ZNF367: variants seen among roughly 807,000 people sequenced by gnomAD.
ZNF367 encodes the protein C2H2 zinc finger protein ZFF29.
In ZNF367, 11 loss-of-function variants were observed where a neutral mutation model predicts 31.8. That is an observed-to-expected ratio of 0.35 (90% CI 0.22 to 0.57). The LOEUF is 0.57. Ranked by LOEUF, ZNF367 falls within the 20% of genes least tolerant of loss-of-function variation. The pLI is 0.85. For missense variants in ZNF367, 353 were observed against 484.1 expected (o/e 0.73, Z 2.54); for synonymous variants, 199 against 202.4 (o/e 0.98, Z 0.14).
chr9:96,388,847 C>T (rs984646255), intron 4 of ZNF367, among the ~76,000 whole-genome samples: 2 of 152,220 alleles, frequency 1.3e-5, no homozygotes, highest in Non-Finnish European at 2.9e-5. Context: ...ACAGCGTTAA[C>T]GCTGTAAATA....
rs1831860974 is a variant in ZNF367 at position 96,418,092 on chromosome 9, C to A, written c.-60G>T. 6 of 1,314,908 alleles carry A rather than the reference C, an allele frequency of 4.6e-6. No homozygotes were observed. The Middle Eastern group carries it at 8.6e-4, about 188-fold the overall frequency. 81.5% of individuals were successfully genotyped at this position (1,314,908 alleles called of 1,614,324 possible). A position where few individuals can be genotyped will look rare whatever the true frequency, so the allele number is the denominator to read the frequency against. ...GCCGCACTCCTGAGCACCGCTCTGC[C>A]CCTCACTCGCTCTGCTCCGAGTCGC... On this transcript the variant is annotated 5_prime_UTR_variant, in exon 1 of 5. Coordinates refer to ENST00000375256, the MANE Select transcript of ZNF367 (RefSeq NM_153695.4).
chr9:96,404,188 C>T (rs919196495), intron 1 of ZNF367, among the ~76,000 whole-genome samples: 1 of 151,806 alleles, frequency 6.6e-6, no homozygotes, highest in Non-Finnish European at 1.5e-5. Flanking sequence ...AGGCCGGGCG[C>T]GGTGGCTCAC....
Position 96,417,865 on chromosome 9 carries a change from G to A in ZNF367, c.168C>T (p.Leu56=). 6.6e-7 allele frequency: 1 copy of A among 1,517,162 alleles called. No individual in the cohort carries two copies. 94.0% of individuals were successfully genotyped at this position (1,517,162 alleles called of 1,614,324 possible). ...GGGEPEPPPP[L]IPTSPGFSDF... Reference sequence around the variant, plus strand: ...CGCTGAAGCCGGGGCTGGTGGGGATGAGCGGCGGCGGCGGCTCCGGCTCCC... The same window carrying A: ...CGCTGAAGCCGGGGCTGGTGGGGATAAGCGGCGGCGGCGGCTCCGGCTCCC... The change falls in exon 1 of 5, where the codon CTC becomes CTT. Residue 56 remains leucine (L), a synonymous_variant. Transcript: ENST00000375256. This position sits in a 1 kb window ranked among gnomAD's most constrained non-coding sequence, Gnocchi z 5.0.
chr9:96,417,690 C>A lies in ZNF367; in HGVS notation c.343G>T (p.Ala115Ser). 3 of 1,133,586 alleles carry A rather than the reference C, an allele frequency of 2.6e-6. No individual in the cohort carries two copies. The highest frequency in any genetic ancestry group is 3.3e-6 in the Non-Finnish European group (3 of 907,736). The allele number at this position is 1,133,586 out of a possible 1,614,324, so 70.2% of individuals were successfully genotyped here. ...GAGGCGGCGGCGGAGGCCGAGGCGG[C>A]GGGCGGGGGCGCGCCCCGGCCACGA... is the stretch of plus-strand genomic sequence containing the variant. ...GLRGRGAPPPAASASAAASGG... is the reference protein window; with the variant it reads ...GLRGRGAPPPSASASAAASGG... Residue 115 changes from alanine to serine, a missense_variant, in exon 1 of 5, where the codon GCC (alanine) becomes TCC (serine). By Grantham distance (99) the Ala-to-Ser change is moderately conservative. Transcript: ENST00000375256. This position sits in a 1 kb window ranked among gnomAD's most constrained non-coding sequence, Gnocchi z 5.0.
intron 1 of ZNF367, 120 bp from the exon 2 acceptor site, chr9:96,398,434 T>A: frequency 1.3e-6 from 1 of 790,830 alleles, no homozygotes; most frequent in Non-Finnish European, 1.9e-6. Context: ...CACACACTTA[T>A]AGTCCCAGCT....
chr9:96,410,571 A>AC (rs1219287991), intron 1 of ZNF367, among the ~76,000 whole-genome samples: 9 of 147,586 alleles, frequency 6.1e-5, no homozygotes, highest in South Asian at 2.2e-4. Context: ...CAAAAAAAAA[A>AC]AAAAAAAACA....
In ZNF367 at chr9:96,417,699, G is replaced by A; in HGVS notation, c.334C>T (p.Pro112Ser). Residue 112 changes from proline (P) to serine (S), a missense_variant, in exon 1 of 5, where the codon CCC (proline) becomes TCC (serine). Coordinates refer to ENST00000375256, the MANE Select transcript of ZNF367 (RefSeq NM_153695.4). The surrounding 1 kb of genome is among the most constrained non-coding windows in gnomAD (Gnocchi z 5.0). Reference sequence around the variant, plus strand: ...GCGGAGGCCGAGGCGGCGGGCGGGGGCGCGCCCCGGCCACGAAGCCCCGAG... The same window carrying A: ...GCGGAGGCCGAGGCGGCGGGCGGGGACGCGCCCCGGCCACGAAGCCCCGAG... ...EHSGLRGRGA[P>S]PPAASASAAA... The A allele has an allele frequency of 1.7e-6, 2 of 1,165,932 alleles. No individual in the cohort carries two copies. Among genetic ancestry groups the A allele is most frequent in the South Asian group, 4.3e-5 (1 of 23,358 alleles). 72.2% of individuals were successfully genotyped at this position (1,165,932 alleles called of 1,614,324 possible). A position where few individuals can be genotyped will look rare whatever the true frequency, so the allele number is the denominator to read the frequency against.
At chr9:96,408,673 C>A (rs1831703239) in intron 1 of ZNF367, among the ~76,000 whole-genome samples, 1 of 152,146 alleles carries the variant, frequency 6.6e-6, no homozygotes, top group Non-Finnish European at 1.5e-5. Flanking sequence ...TGAATAAATT[C>A]TAGGGACTTG....
In ZNF367 at chr9:96,417,791, G is replaced by C; in HGVS notation, c.242C>G (p.Thr81Arg). 7.5e-7 allele frequency: 1 copy of C among 1,339,376 alleles called. No individual in the cohort carries two copies. Among genetic ancestry groups the C allele is most frequent in the Non-Finnish European group, 9.6e-7 (1 of 1,043,170 alleles). 83.0% of individuals were successfully genotyped at this position (1,339,376 alleles called of 1,614,324 possible). ...WRWGENAHNVTLSPGAAGAAA... is the reference protein window; with the variant it reads ...WRWGENAHNVRLSPGAAGAAA... The stretch of plus-strand genomic sequence containing the variant: ...GGCCCCCGCGGCCCCAGGGCTGAGC[G>C]TCACGTTGTGTGCGTTCTCGCCCCA... The change falls in exon 1 of 5, where the codon ACG (threonine) becomes AGG (arginine). Residue 81 changes from threonine to arginine, a missense_variant. Coordinates refer to ENST00000375256, the MANE Select transcript of ZNF367 (RefSeq NM_153695.4). This position sits in a 1 kb window ranked among gnomAD's most constrained non-coding sequence, Gnocchi z 5.0.
At chr9:96,410,875 A>AAAAACAAAAC (rs750089764) in intron 1 of ZNF367, among the ~76,000 whole-genome samples, 3 of 151,282 alleles carry the variant, frequency 2.0e-5, no homozygotes, top group Non-Finnish European at 2.9e-5. Context: ...AGACTCTGTC[A>AAAAACAAAAC]AAAACAAAAC....
chr9:96,402,724 G>C (rs10990955), intron 1 of ZNF367, among the ~76,000 whole-genome samples: 1 of 148,966 alleles, frequency 6.7e-6, no homozygotes, highest in African/African-American at 2.5e-5. Context: ...CGCCCACCTC[G>C]GCCTCCCGGA....
Position 96,398,087 on chromosome 9 carries a change from CAAAAAAAAAAAAAAAAAAAAAAAAA to C in ZNF367, c.571+52_571+76del, listed in dbSNP as rs374810647. The C allele has an allele frequency of 5.0e-5, 19 of 379,774 alleles. 1 individual carries two copies. In the East Asian group the frequency reaches 1.4e-3, roughly 28 times the overall value. 23.5% of individuals were successfully genotyped at this position (379,774 alleles called of 1,614,324 possible). The stretch of plus-strand genomic sequence containing the variant: ...CCTGGGCAACAGAGCGAGACTATCT[CAAAAAAAAAAAAAAAAAAAAAAAAA>C]AAAAAAAAAAGTGTTACTTCTGGCA... On this transcript the variant is annotated intron_variant, in intron 2 of 4. Coordinates refer to ENST00000375256, the MANE Select transcript of ZNF367 (RefSeq NM_153695.4).
Position 96,418,100 on chromosome 9 carries a change from CGCTCT to C in ZNF367, c.-73_-69del. 4 of 1,293,394 alleles carry C rather than the reference CGCTCT, an allele frequency of 3.1e-6. No homozygotes were observed. The highest frequency in any genetic ancestry group is 3.9e-6 in the Non-Finnish European group (4 of 1,020,276). The allele number at this position is 1,293,394 out of a possible 1,614,324, so 80.1% of individuals were successfully genotyped here. A position where few individuals can be genotyped will look rare whatever the true frequency, so the allele number is the denominator to read the frequency against. ...CCTGAGCACCGCTCTGCCCCTCACTCGCTCTGCTCCGAGTCGCAGGCTCAGTCCTG... is the reference window on the plus strand; with the variant it reads ...CCTGAGCACCGCTCTGCCCCTCACTCGCTCCGAGTCGCAGGCTCAGTCCTG... On this transcript the variant is annotated 5_prime_UTR_variant, in exon 1 of 5. Transcript: ENST00000375256.
At chr9:96,413,425 T>C (rs985677831) in intron 1 of ZNF367, among the ~76,000 whole-genome samples, 4 of 152,180 alleles carry the variant, frequency 2.6e-5, no homozygotes, top group African/African-American at 7.2e-5. Context: ...AATCAGCTAT[T>C]CGTAACAGTA....
chr9:96,407,778 T>C (rs1040504878), intron 1 of ZNF367: 1 of 1,339,076 alleles, frequency 7.5e-7, no homozygotes, highest in Non-Finnish European at 1.0e-6. Context: ...CACCTAAATA[T>C]GAAAGATTCA....
At position 96,418,143 on chromosome 9, in the gene ZNF367, A is replaced by G. The variant is rs181630993; in HGVS notation, c.-111T>C. ...AGGCTCAGTCCTGCCGGCTCATGGC[A>G]GACTGACGTTTCCCGGAATCCTGCG... On this transcript the variant is annotated 5_prime_UTR_variant, in exon 1 of 5. Coordinates refer to ENST00000375256, the MANE Select transcript of ZNF367 (RefSeq NM_153695.4). The G allele has an allele frequency of 7.2e-6, 9 of 1,258,518 alleles. No homozygotes were observed. Among genetic ancestry groups the G allele is most frequent in the Non-Finnish European group, 8.0e-6 (8 of 999,426 alleles). 78.0% of individuals were successfully genotyped at this position (1,258,518 alleles called of 1,614,324 possible).
chr9:96,394,980 T>C lies in ZNF367; in HGVS notation c.572-38A>G. The C allele has an allele frequency of 3.7e-6, 6 of 1,610,830 alleles. No homozygotes were observed. The South Asian group carries it at 6.6e-5, about 18-fold the overall frequency. On this transcript the variant is annotated intron_variant, in intron 2 of 4. Transcript: ENST00000375256. ...ATGTTAGATATTATATCTGAGATAATAAGGCCAGAAGAGGAGGGGGATGGG... is the reference window on the plus strand; with the variant it reads ...ATGTTAGATATTATATCTGAGATAACAAGGCCAGAAGAGGAGGGGGATGGG...
At chr9:96,412,820 C>T (rs1294255608) in intron 1 of ZNF367, among the ~76,000 whole-genome samples, 3 of 151,684 alleles carry the variant, frequency 2.0e-5, no homozygotes, top group South Asian at 2.1e-4. Flanking sequence ...CTCAGCCTCC[C>T]GAGTAGCCGG....
intron 1 of ZNF367, among the ~76,000 whole-genome samples, chr9:96,403,368 T>C (rs923065717): frequency 3.3e-5 from 5 of 152,176 alleles, no homozygotes; most frequent in Admixed American, 3.3e-4. Context: ...ATACCAAACT[T>C]ATAGGATACA....
Sources: allele counts gnomAD v4.1 joint callset (sites outside exome capture counted in the v4.1 genomes callset), GRCh38; gene constraint gnomAD v4.1.1; non-coding constraint Gnocchi (gnomAD v3.1); transcripts MANE v1.5; gene names NCBI Gene and HGNC (gene_info 2026-07-23, HGNC 2026-07-21).